The following CCNJL variants were observed in gnomAD, a reference collection of about 807,000 sequenced individuals.
CCNJL encodes the protein cyclin-J-like protein.
A neutral mutation model predicts 33.4 loss-of-function variants in CCNJL; 33 were observed. The ratio of observed to expected loss-of-function variants is 0.99; its 90% CI spans 0.75 to 1.32. CCNJL has a LOEUF of 1.32. Ranked by LOEUF, CCNJL falls within the 40% of genes most tolerant of loss-of-function variation. The pLI is 0.00. For missense variants in CCNJL, 512 were observed against 499.7 expected (o/e 1.02, Z -0.23); for synonymous variants, 227 against 220.9 (o/e 1.03, Z -0.24).
At chr5:160,258,753 G>A (rs1474192834) in intron 4 of CCNJL, among the ~76,000 whole-genome samples, 1 of 152,192 alleles carries the variant, frequency 6.6e-6, no homozygotes, top group African/African-American at 2.4e-5. Flanking sequence ...CTGGAGTGCA[G>A]TGGCGCAATC....
chr5:160,312,117 C>T (rs891756483), intron 1 of CCNJL, 145 bp from the exon 2 acceptor site: 4 of 608,096 alleles, frequency 6.6e-6, no homozygotes, highest in Non-Finnish European at 8.8e-6. Context: ...CGCCTCTGGT[C>T]CGCGGAAGGC....
At chr5:160,257,638 C>T (rs1228172243) in intron 4 of CCNJL, among the ~76,000 whole-genome samples, 1 of 150,706 alleles carries the variant, frequency 6.6e-6, no homozygotes, top group Non-Finnish European at 1.5e-5. Context: ...TATAGCGAGA[C>T]CCCGTTCTCC....
In CCNJL at chr5:160,280,645, G is replaced by C. The variant is rs752338883; in HGVS notation, c.160C>G (p.Gln54Glu). Reference sequence around the variant, plus strand: ...AGGTGCCGGGCTGCAGGGCAGAGCTGGCAGTGGCTGCTCAGCAGGGTCAGG... The same window carrying C: ...AGGTGCCGGGCTGCAGGGCAGAGCTCGCAGTGGCTGCTCAGCAGGGTCAGG... ...DILTLLSSHC[Q>E]LCPAARHLAV... Residue 54 changes from glutamine (Q) to glutamate (E), a missense_variant, in exon 3 of 6, where the codon CAG (glutamine) becomes GAG (glutamate). Gln to Glu is a conservative substitution (Grantham distance 29). Transcript: ENST00000257536. 3 of 1,613,586 alleles carry C rather than the reference G, an allele frequency of 1.9e-6. No individual in the cohort carries two copies. The highest frequency in any genetic ancestry group is 1.1e-5 in the South Asian group (1 of 91,084).
At chr5:160,272,515 G>A (rs536487648) in intron 3 of CCNJL, among the ~76,000 whole-genome samples, 10 of 152,214 alleles carry the variant, frequency 6.6e-5, no homozygotes, top group Middle Eastern at 6.3e-3. Context: ...AAAGGCTCTC[G>A]TGGCTGGGAG....
chr5:160,288,990 C>T (rs1012626961), intron 2 of CCNJL, among the ~76,000 whole-genome samples: 1 of 152,152 alleles, frequency 6.6e-6, no homozygotes, highest in African/African-American at 2.4e-5. Flanking sequence ...TCCCACTTGC[C>T]CCTCAGAGAG....
chr5:160,339,374 A>C (rs1177325962), intron 1 of CCNJL: 23 of 247,402 alleles, frequency 9.3e-5, no homozygotes, highest in Non-Finnish European at 1.4e-4. Context: ...AAAAAAAACA[A>C]AAAAAAACGC....
chr5:160,265,873 A>G (rs1485952598), intron 3 of CCNJL, among the ~76,000 whole-genome samples: 1 of 152,030 alleles, frequency 6.6e-6, no homozygotes, highest in East Asian at 1.9e-4. Flanking sequence ...AAAAAAAAAA[A>G]AAAGAAAAAA....
chr5:160,267,856 T>G (rs1761671752), intron 3 of CCNJL, among the ~76,000 whole-genome samples: 1 of 152,206 alleles, frequency 6.6e-6, no homozygotes, highest in African/African-American at 2.4e-5. Context: ...ACCACCATGC[T>G]TGGCCCTTCC....
At position 160,255,550 on chromosome 5, in the gene CCNJL, C is replaced by T. The variant is rs1316193357; in HGVS notation, c.742G>A (p.Val248Ile). ...HLSTCIEILLVVYDNVLKDAV... is the reference protein window; with the variant it reads ...HLSTCIEILLIVYDNVLKDAV... ...ACAGGATTCAGGGGAGAAACTTACA[C>T]CAGCAGGATTTCAATACACGTGCTG... Residue 248 changes from valine (V) to isoleucine (I), a missense_variant and splice_region_variant, in exon 5 of 6, where the codon GTA (valine) becomes ATA (isoleucine). Transcript: ENST00000257536. The T allele has an allele frequency of 2.5e-6, 4 of 1,613,770 alleles. No homozygotes were observed. Among genetic ancestry groups the T allele is most frequent in the South Asian group, 1.1e-5 (1 of 91,056 alleles).
chr5:160,297,654 C>CAAAAAAAA (rs59634260), intron 2 of CCNJL, among the ~76,000 whole-genome samples: 13 of 107,624 alleles, frequency 1.2e-4, no homozygotes, highest in Middle Eastern at 5.7e-3. Context: ...TCTCTATTTA[C>CAAAAAAAA]AAAAAAAAAA....
intron 2 of CCNJL, among the ~76,000 whole-genome samples, chr5:160,290,878 T>C (rs1474541384): frequency 1.3e-5 from 2 of 151,544 alleles, no homozygotes; most frequent in African/African-American, 4.8e-5. Context: ...TAATAAGCAA[T>C]TCCCAGTACT....
chr5:160,329,686 A>T (rs187467879), intron 1 of CCNJL, among the ~76,000 whole-genome samples: 4 of 152,098 alleles, frequency 2.6e-5, no homozygotes, highest in Admixed American at 2.0e-4. Flanking sequence ...CTTGGAAATG[A>T]CCCATCTGCT....
At chr5:160,264,628 T>C (rs934613347) in intron 3 of CCNJL, among the ~76,000 whole-genome samples, 1 of 152,122 alleles carries the variant, frequency 6.6e-6, no homozygotes, top group African/African-American at 2.4e-5. Context: ...TGACATTATA[T>C]GGACACTCAC....
chr5:160,257,611 G>A (rs1198512348), intron 4 of CCNJL, among the ~76,000 whole-genome samples: 1 of 151,884 alleles, frequency 6.6e-6, no homozygotes, highest in Non-Finnish European at 1.5e-5. Flanking sequence ...CCAGGAGTTC[G>A]AGACCTACCT....
chr5:160,296,570 AGGGAGCT>A (rs943349463), intron 2 of CCNJL, among the ~76,000 whole-genome samples: 2 of 152,164 alleles, frequency 1.3e-5, no homozygotes, highest in Non-Finnish European at 2.9e-5. Flanking sequence ...GTGCATTTCC[AGGGAGCT>A]GGCACTCTCC....
At chr5:160,256,713 C>T (rs944504391) in intron 4 of CCNJL, among the ~76,000 whole-genome samples, 9 of 152,068 alleles carry the variant, frequency 5.9e-5, no homozygotes, top group South Asian at 2.1e-4. Flanking sequence ...GTCAGGAGTT[C>T]GAGACCAGCC....
At chr5:160,303,063 T>C (rs965074087) in intron 2 of CCNJL, among the ~76,000 whole-genome samples, 1 of 152,192 alleles carries the variant, frequency 6.6e-6, no homozygotes, top group African/African-American at 2.4e-5. Context: ...CACATTCATG[T>C]GTTATCTGTT....
intron 3 of CCNJL, chr5:160,261,266 A>C (rs1332634747): frequency 6.6e-6 from 1 of 152,180 alleles, no homozygotes. Context: ...CCTTCTCGGC[A>C]AGCCTTGCAG....
chr5:160,283,339 G>C (rs1762303210), intron 2 of CCNJL, among the ~76,000 whole-genome samples: 1 of 152,118 alleles, frequency 6.6e-6, no homozygotes, highest in Admixed American at 6.5e-5. Context: ...CCAGAGGTTA[G>C]GGGTAACAGT....
Sources: allele counts gnomAD v4.1 joint callset (sites outside exome capture counted in the v4.1 genomes callset), GRCh38; gene constraint gnomAD v4.1.1; transcripts MANE v1.5; gene names NCBI Gene and HGNC (gene_info 2026-07-23, HGNC 2026-07-21).